The following RABGAP1L variants were observed in gnomAD, a reference collection of about 807,000 sequenced individuals.
The protein encoded by RABGAP1L is rab GTPase-activating protein 1-like.
In RABGAP1L, 63 loss-of-function variants were observed where a neutral mutation model predicts 137.7. The ratio of observed to expected loss-of-function variants is 0.46; its 90% CI spans 0.37 to 0.56. The LOEUF (loss-of-function observed/expected upper bound fraction) is 0.56. Ranked by LOEUF, RABGAP1L falls within the 20% of genes least tolerant of loss-of-function variation. The pLI is 0.00. For synonymous variants in RABGAP1L, 431 were observed against 433.7 expected, an observed-to-expected ratio of 0.99 and a Z score of 0.08; for missense variants, 1,095 against 1,244.0, an observed-to-expected ratio of 0.88 and a Z score of 1.80.
chr1:174,196,374 C>G lies in RABGAP1L; in HGVS notation c.-33-22751C>G, dbSNP rs1390226749. Among the ~76,000 whole-genome samples, 3 of 151,852 alleles carry G rather than the reference C, an allele frequency of 2.0e-5. No individual in the cohort carries two copies. The East Asian group carries it at 5.8e-4, about 29-fold the overall frequency. ...GAGCAGCTGGGACTACAGGTGCCCG[C>G]CACCACGCCTGGCTAATTTTTTGTA... On this transcript the variant is annotated intron_variant, in intron 1 of 25. Transcript: ENST00000681986.
At chr1:174,239,444 A>T (rs1233992150) in intron 4 of RABGAP1L, among the ~76,000 whole-genome samples, 1 of 152,086 alleles carries the variant, frequency 6.6e-6, no homozygotes, top group African/African-American at 2.4e-5. Flanking sequence ...TATTATCTTT[A>T]TACTCCCTAA....
intron 19 of RABGAP1L, among the ~76,000 whole-genome samples, chr1:174,916,454 A>G (rs544845785): frequency 3.9e-4 from 59 of 152,376 alleles, no homozygotes; most frequent in African/African-American, 1.3e-3. Flanking sequence ...TAAGCCAGAT[A>G]AATAAATACA....
intron 13 of RABGAP1L, among the ~76,000 whole-genome samples, chr1:174,483,815 A>C (rs1659364336): frequency 6.7e-6 from 1 of 148,400 alleles, no homozygotes; most frequent in Non-Finnish European, 1.5e-5. Flanking sequence ...TGACAACTCC[A>C]TCTCAAAAAA....
In RABGAP1L at chr1:174,852,589, T is replaced by A. The variant is rs1172614479; in HGVS notation, c.2340+40629T>A. Among the ~76,000 whole-genome samples, 5 of 152,020 alleles carry A rather than the reference T, an allele frequency of 3.3e-5. No individual in the cohort carries two copies. In the East Asian group the frequency reaches 5.8e-4, roughly 18 times the overall value. Reference sequence around the variant, plus strand: ...AGCAATTTGGGAGGCTGAGGCGGGCTGATCACTTGAGGCCAGGAGTTCGAG... The same window carrying A: ...AGCAATTTGGGAGGCTGAGGCGGGCAGATCACTTGAGGCCAGGAGTTCGAG... On this transcript the variant is annotated intron_variant, in intron 19 of 25. Coordinates refer to ENST00000681986, the MANE Select transcript of RABGAP1L (RefSeq NM_001366446.1).
chr1:174,542,482 C>G (rs1558324080), intron 13 of RABGAP1L, among the ~76,000 whole-genome samples: 1 of 152,090 alleles, frequency 6.6e-6, no homozygotes, highest in Admixed American at 6.5e-5. Context: ...ATTCTTCTCT[C>G]TTTTTTTCTT....
chr1:174,515,198 G>C (rs1196984652), intron 13 of RABGAP1L, among the ~76,000 whole-genome samples: 1 of 152,094 alleles, frequency 6.6e-6, no homozygotes, highest in East Asian at 1.9e-4. Flanking sequence ...CTATGAAGTA[G>C]TTACTATAAT....
intron 13 of RABGAP1L, among the ~76,000 whole-genome samples, chr1:174,468,084 TTTA>T (rs1439965214): frequency 6.6e-6 from 1 of 152,160 alleles, no homozygotes; most frequent in Non-Finnish European, 1.5e-5. Context: ...AAGAATTAAT[TTTA>T]TTATTGCTGT....
chr1:174,483,365 A>G (rs747939464), intron 13 of RABGAP1L, among the ~76,000 whole-genome samples: 1 of 152,034 alleles, frequency 6.6e-6, no homozygotes, highest in Non-Finnish European at 1.5e-5. Flanking sequence ...TTTAGCTCCC[A>G]CAGTTAAGTG....
chr1:174,684,009 C>A (rs1006630823), intron 15 of RABGAP1L, among the ~76,000 whole-genome samples: 7 of 152,252 alleles, frequency 4.6e-5, no homozygotes, highest in Middle Eastern at 3.4e-3. Context: ...TATTGAGCAT[C>A]AATTTTCAGG....
At chr1:174,979,740 G>C (rs1274451173) in intron 23 of RABGAP1L, among the ~76,000 whole-genome samples, 3 of 152,126 alleles carry the variant, frequency 2.0e-5, no homozygotes, top group African/African-American at 7.2e-5. Flanking sequence ...GATGTTTCTG[G>C]CCCCATCACC....
chr1:174,721,216 G>T (rs1252298880), intron 17 of RABGAP1L, among the ~76,000 whole-genome samples: 2 of 152,210 alleles, frequency 1.3e-5, no homozygotes, highest in East Asian at 3.8e-4. Flanking sequence ...AGAGTTATCA[G>T]ATGATAAAGG....
intron 14 of RABGAP1L, among the ~76,000 whole-genome samples, chr1:174,680,316 G>A (rs1437333646): frequency 5.3e-5 from 8 of 152,164 alleles, no homozygotes; most frequent in Admixed American, 5.2e-4. Context: ...AATTGGATTA[G>A]TGCTTTAATA....
intron 7 of RABGAP1L, among the ~76,000 whole-genome samples, chr1:174,256,587 C>T (rs1673146929): frequency 1.3e-5 from 2 of 152,118 alleles, no homozygotes; most frequent in Non-Finnish European, 2.9e-5. Flanking sequence ...TCGAGACCAT[C>T]CTGACCAACA....
intron 10 of RABGAP1L, among the ~76,000 whole-genome samples, chr1:174,303,158 T>C (rs1260974831): frequency 2.0e-5 from 3 of 152,066 alleles, no homozygotes; most frequent in Admixed American, 6.6e-5. Context: ...AATGTATCTG[T>C]AGCTTAGTGA....
chr1:174,803,326 G>T (rs2148829139), intron 18 of RABGAP1L, among the ~76,000 whole-genome samples: 1 of 152,276 alleles, frequency 6.6e-6, no homozygotes, highest in Non-Finnish European at 1.5e-5. Flanking sequence ...TAATAAATCA[G>T]GTGCAAGCAT....
At chr1:174,254,729 G>C (rs1384162430) in intron 7 of RABGAP1L, among the ~76,000 whole-genome samples, 1 of 152,076 alleles carries the variant, frequency 6.6e-6, no homozygotes, top group Non-Finnish European at 1.5e-5. Flanking sequence ...TCTTTATCCA[G>C]TCTGTCATTG....
chr1:174,553,626 A>G (rs1001178559), intron 13 of RABGAP1L, among the ~76,000 whole-genome samples: 3 of 152,232 alleles, frequency 2.0e-5, no homozygotes, highest in African/African-American at 7.2e-5. Flanking sequence ...CAGAAAAATA[A>G]AACTATAGAC....
At chr1:174,170,738 G>A (rs1332372758) in intron 1 of RABGAP1L, among the ~76,000 whole-genome samples, 3 of 149,558 alleles carry the variant, frequency 2.0e-5, no homozygotes, top group African/African-American at 7.4e-5. Context: ...TTCTAAATCT[G>A]TCTCACAGTG....
rs71117584 is a variant in RABGAP1L at position 174,854,715 on chromosome 1, C to CTTTTTTTTTTTTTTTTTTTTTTTT, written c.2340+42777_2340+42800dup. Among the ~76,000 whole-genome samples the CTTTTTTTTTTTTTTTTTTTTTTTT allele has an allele frequency of 1.4e-4, 8 of 56,870 alleles. 2 individuals are homozygous for CTTTTTTTTTTTTTTTTTTTTTTTT. Among genetic ancestry groups the CTTTTTTTTTTTTTTTTTTTTTTTT allele is most frequent in the Non-Finnish European group, 2.7e-4 (8 of 29,356 alleles). The allele number at this position is 56,870 out of a possible 152,430, so 37.3% of individuals were successfully genotyped here. A position where few individuals can be genotyped will look rare whatever the true frequency, so the allele number is the denominator to read the frequency against. On this transcript the variant is annotated intron_variant, in intron 19 of 25. Transcript: ENST00000681986. ...AACTGCAATAGACTCAATATAAATG[C>CTTTTTTTTTTTTTTTTTTTTTTTT]TTTTTTTTTTTTTTTTTTTTTTTTT...
Sources: allele counts gnomAD v4.1 joint callset (sites outside exome capture counted in the v4.1 genomes callset), GRCh38; gene constraint gnomAD v4.1.1; transcripts MANE v1.5; gene names NCBI Gene and HGNC (gene_info 2026-07-23, HGNC 2026-07-21).